HAS1: variants seen among roughly 807,000 people sequenced by gnomAD.
The protein encoded by HAS1 is hyaluronan synthase 1.
A neutral mutation model predicts 35.0 loss-of-function variants in HAS1; 27 were observed. That is an observed-to-expected ratio of 0.77 (90% CI 0.57 to 1.06). The LOEUF (loss-of-function observed/expected upper bound fraction) is 1.06, where lower values mean the gene tolerates loss of function less well. Ranked by LOEUF, HAS1 falls within the 50% of genes least tolerant of loss-of-function variation. The pLI is 0.00. For missense variants in HAS1, 940 were observed against 814.8 expected, an observed-to-expected ratio of 1.15 and a Z score of -1.87; for synonymous variants, 409 against 371.2, an observed-to-expected ratio of 1.10 and a Z score of -1.17.
Position 51,713,176 on chromosome 19 carries a change from G to A in HAS1, c.*251C>T, listed in dbSNP as rs1038481396. On this transcript the variant is annotated 3_prime_UTR_variant, in exon 5 of 5. Coordinates refer to ENST00000540069, the MANE Select transcript of HAS1 (RefSeq NM_001297436.2). This position sits in a 1 kb window ranked among gnomAD's most constrained non-coding sequence, Gnocchi z 4.5. The stretch of plus-strand genomic sequence containing the variant: ...GTAGAAATGGAGATTAAATAAGAAC[G>A]AGGAGAAAGCAGGACCCTTTCCCTC... 4 of 393,768 alleles carry A rather than the reference G, an allele frequency of 1.0e-5. No homozygotes were observed. Among genetic ancestry groups the A allele is most frequent in the Non-Finnish European group, 1.7e-5 (4 of 229,108 alleles). The allele number at this position is 393,768 out of a possible 1,614,324, so 24.4% of individuals were successfully genotyped here.
chr19:51,713,168 A>C lies in HAS1; in HGVS notation c.*259T>G. The C allele has an allele frequency of 2.5e-6, 1 of 408,020 alleles. No homozygotes were observed. Among genetic ancestry groups the C allele is most frequent in the Non-Finnish European group, 4.3e-6 (1 of 235,136 alleles). The allele number at this position is 408,020 out of a possible 1,614,324, so 25.3% of individuals were successfully genotyped here. A position where few individuals can be genotyped will look rare whatever the true frequency, so the allele number is the denominator to read the frequency against. On this transcript the variant is annotated 3_prime_UTR_variant, in exon 5 of 5. Coordinates refer to ENST00000540069, the MANE Select transcript of HAS1 (RefSeq NM_001297436.2). This position sits in a 1 kb window ranked among gnomAD's most constrained non-coding sequence, Gnocchi z 4.5. ...ATCACACAGTAGAAATGGAGATTAA[A>C]TAAGAACGAGGAGAAAGCAGGACCC... is the stretch of plus-strand genomic sequence containing the variant.
intron 3 of HAS1, among the ~76,000 whole-genome samples, 195 bp from the exon 4 acceptor site, chr19:51,716,583 T>C (rs2083588210): frequency 1.3e-5 from 2 of 152,044 alleles, no homozygotes; most frequent in Non-Finnish European, 2.9e-5. Context: ...CCAACTTGCC[T>C]GTCATTGAAC....
At position 51,713,285 on chromosome 19, in the gene HAS1, G is replaced by A. The variant is rs1434452301; in HGVS notation, c.*142C>T. ...CAGTCCCAATATAGTCCAGACTGAAGAATCTTGGGCTGACCCCCTCGTTTT... is the reference window on the plus strand; with the variant it reads ...CAGTCCCAATATAGTCCAGACTGAAAAATCTTGGGCTGACCCCCTCGTTTT... On this transcript the variant is annotated 3_prime_UTR_variant, in exon 5 of 5. Transcript: ENST00000540069. This position sits in a 1 kb window ranked among gnomAD's most constrained non-coding sequence, Gnocchi z 4.5. 7 of 756,564 alleles carry A rather than the reference G, an allele frequency of 9.3e-6. No individual in the cohort carries two copies. Among genetic ancestry groups the A allele is most frequent in the Non-Finnish European group, 1.4e-5 (7 of 504,668 alleles). The allele number at this position is 756,564 out of a possible 1,614,324, so 46.9% of individuals were successfully genotyped here. A position where few individuals can be genotyped will look rare whatever the true frequency, so the allele number is the denominator to read the frequency against.
chr19:51,718,551 T>C (rs1203315963), intron 2 of HAS1, among the ~76,000 whole-genome samples: 2 of 152,202 alleles, frequency 1.3e-5, no homozygotes, highest in Non-Finnish European at 2.9e-5. Flanking sequence ...TATTTATTTA[T>C]TTGAGACGGA....
chr19:51,713,659 G>T lies in HAS1; in HGVS notation c.1502C>A (p.Pro501His). The stretch of plus-strand genomic sequence containing the variant: ...CGCCCAGAGCGCCAGGGGCAGCAGA[G>T]GGACGTAGTTAGCGGCCAGCTTCCG... ...GRRKLAANYV[P>H]LLPLALWALL... is the part of the protein sequence containing the mutation. The change falls in exon 5 of 5, where the codon CCT becomes CAT. Residue 501 changes from proline (P) to histidine (H), a missense_variant. By Grantham distance (77) the Pro-to-His change is moderately conservative. Coordinates refer to ENST00000540069, the MANE Select transcript of HAS1 (RefSeq NM_001297436.2). This position sits in a 1 kb window ranked among gnomAD's most constrained non-coding sequence, Gnocchi z 4.5. The T allele has an allele frequency of 6.3e-7, 1 of 1,579,604 alleles. No homozygotes were observed. The highest frequency in any genetic ancestry group is 1.3e-5 in the African/African-American group (1 of 74,154).
intron 2 of HAS1, among the ~76,000 whole-genome samples, chr19:51,718,779 C>T (rs2083603217): frequency 6.6e-6 from 1 of 152,146 alleles, no homozygotes; most frequent in African/African-American, 2.4e-5. Context: ...TCAGGTGATC[C>T]GCCCACCTCA....
Position 51,719,833 on chromosome 19 carries a change from G to A in HAS1, c.72C>T (p.Thr24=), listed in dbSNP as rs774759267. 8.4e-6 allele frequency: 13 copies of A among 1,553,048 alleles called. No homozygotes were observed. In the South Asian group the frequency reaches 1.1e-4, roughly 13 times the overall value. The part of the protein sequence containing the change: ...RCSGLARRVL[T]IAFALLILGL... ...CCAGGATGAGCAGGGCGAAGGCGAT[G>A]GTCAGCACCCTCCGGGCCAGGCCGG... The change falls in exon 2 of 5, where the codon ACC becomes ACT. Residue 24 remains threonine (T), a synonymous_variant. Transcript: ENST00000540069.
intron 1 of HAS1, among the ~76,000 whole-genome samples, chr19:51,720,289 A>C (rs2083622688): frequency 6.6e-6 from 1 of 150,958 alleles, no homozygotes; most frequent in Admixed American, 6.6e-5. Flanking sequence ...TAATTTTTAA[A>C]TTTTTGGTAG....
At position 51,714,052 on chromosome 19, in the gene HAS1, C is replaced by G. The variant is rs372997311; in HGVS notation, c.1109G>C (p.Arg370Pro). The G allele has an allele frequency of 6.2e-6, 10 of 1,613,784 alleles. No homozygotes were observed. In the African/African-American group the frequency reaches 9.3e-5, roughly 15 times the overall value. Residue 370 changes from arginine (R) to proline (P), a missense_variant, in exon 5 of 5, where the codon CGG (arginine) becomes CCG (proline). Physicochemically the swap from Arg to Pro is moderately radical, Grantham distance 103 (BLOSUM62 -2). Transcript: ENST00000540069. The stretch of plus-strand genomic sequence containing the variant: ...CCAGCGTGTCTGCTGGCTCAGCCAC[C>G]GCAGGAAGGACGAGGGCGTCTCTGA... ...CYSETPSSFL[R>P]WLSQQTRWSK...
chr19:51,719,592 C>T lies in HAS1; in HGVS notation c.313G>A (p.Glu105Lys). Reference sequence around the variant, plus strand: ...CACTGGCGCAGGTACGCGGGGTCCTCCTGGTAGGCGGAGATGGTCAGCGCC... The same window carrying T: ...CACTGGCGCAGGTACGCGGGGTCCTTCTGGTAGGCGGAGATGGTCAGCGCC... ...SVALTISAYQ[E>K]DPAYLRQCLA... Residue 105 changes from glutamate (E) to lysine (K), a missense_variant, in exon 2 of 5, where the codon GAG (glutamate) becomes AAG (lysine). Transcript: ENST00000540069. 4.5e-6 allele frequency: 7 copies of T among 1,542,688 alleles called. No homozygotes were observed. Among genetic ancestry groups the T allele is most frequent in the Non-Finnish European group, 5.2e-6 (6 of 1,143,810 alleles).
rs947382945 is a variant in HAS1, at chr19:51,721,973, A to G, written c.9+1952T>C. 1.2e-4 allele frequency among the ~76,000 whole-genome samples: 18 copies of G among 152,316 alleles called. No individual in the cohort carries two copies. In the East Asian group the frequency reaches 3.3e-3, roughly 28 times the overall value. ...CAGATGAGGAAACTGAGACACTGAG[A>G]GGCAAATACTTTTACCCAAGGTCAC... On this transcript the variant is annotated intron_variant, in intron 1 of 4. Coordinates refer to ENST00000540069, the MANE Select transcript of HAS1 (RefSeq NM_001297436.2).
Position 51,719,766 on chromosome 19 carries a change from A to AG in HAS1, c.138dup (p.Ser47LeufsTer107). On this transcript the variant is annotated frameshift_variant, in exon 2 of 5. Coordinates refer to ENST00000540069, the MANE Select transcript of HAS1 (RefSeq NM_001297436.2). LOFTEE classifies it high-confidence loss of function. ...AAGGCCAGGAGGCCGTAGCGATCGGAGGCCAGCGGCACCCCGGCGGCGTAG... is the reference window on the plus strand; with the variant it reads ...AAGGCCAGGAGGCCGTAGCGATCGGAGGGCCAGCGGCACCCCGGCGGCGTAG... 1 of 1,565,030 alleles carries AG rather than the reference A, an allele frequency of 6.4e-7. No homozygotes were observed. The highest frequency in any genetic ancestry group is 8.6e-7 in the Non-Finnish European group (1 of 1,159,256).
chr19:51,713,246 A>G lies in HAS1; in HGVS notation c.*181T>C, dbSNP rs571821888. On this transcript the variant is annotated 3_prime_UTR_variant, in exon 5 of 5. Coordinates refer to ENST00000540069, the MANE Select transcript of HAS1 (RefSeq NM_001297436.2). This position sits in a 1 kb window ranked among gnomAD's most constrained non-coding sequence, Gnocchi z 4.5. ...CCTGACCAATAAATACCCTCCCTGG[A>G]GACCCAGAAGTCCCAGTCCCAATAT... 13 of 520,114 alleles carry G rather than the reference A, an allele frequency of 2.5e-5. No individual in the cohort carries two copies. The South Asian group carries it at 5.4e-4, about 22-fold the overall frequency. 32.2% of individuals were successfully genotyped at this position (520,114 alleles called of 1,614,324 possible).
Position 51,717,318 on chromosome 19 carries a change from T to A in HAS1, c.700-125A>T, listed in dbSNP as rs1182559414. On this transcript the variant is annotated intron_variant, in intron 2 of 4. Coordinates refer to ENST00000540069, the MANE Select transcript of HAS1 (RefSeq NM_001297436.2). ...AACCGATCTGAACATAATTTTGAGA[T>A]TTTTTAAAGTCATTTTCAATGTGTA... 4 of 631,542 alleles carry A rather than the reference T, an allele frequency of 6.3e-6. No individual in the cohort carries two copies. The East Asian group carries it at 8.2e-5, about 13-fold the overall frequency. 39.1% of individuals were successfully genotyped at this position (631,542 alleles called of 1,614,324 possible). A position where few individuals can be genotyped will look rare whatever the true frequency, so the allele number is the denominator to read the frequency against.
At chr19:51,714,386 ATAAATAAAT>A (rs1312180657) in intron 4 of HAS1, among the ~76,000 whole-genome samples, 33 of 142,054 alleles carry the variant, frequency 2.3e-4, no homozygotes, top group Non-Finnish European at 3.7e-4. Flanking sequence ...AAATAAATAA[ATAAATAAAT>A]AAGCACCAAT....
At chr19:51,717,513 A>G (rs1260022398) in intron 2 of HAS1, among the ~76,000 whole-genome samples, 1 of 152,222 alleles carries the variant, frequency 6.6e-6, no homozygotes, top group Admixed American at 6.5e-5. Flanking sequence ...CTAATATGGA[A>G]ATGGTGAATA....
In HAS1 at chr19:51,713,697, G is replaced by A; in HGVS notation, c.1464C>T (p.Gly488=). The part of the protein sequence containing the change: ...ALVTMNQSGW[G]TSGRRKLAAN... Reference sequence around the variant, plus strand: ...CGGCCAGCTTCCGCCGGCCCGAGGTGCCCCAGCCACTCTGGTTCATGGTGA... The same window carrying A: ...CGGCCAGCTTCCGCCGGCCCGAGGTACCCCAGCCACTCTGGTTCATGGTGA... The change falls in exon 5 of 5, where the codon GGC becomes GGT. Residue 488 remains glycine (G), a synonymous_variant. Coordinates refer to ENST00000540069, the MANE Select transcript of HAS1 (RefSeq NM_001297436.2). The surrounding 1 kb of genome is among the most constrained non-coding windows in gnomAD (Gnocchi z 4.5). The A allele has an allele frequency of 6.3e-7, 1 of 1,591,254 alleles. No homozygotes were observed. Among genetic ancestry groups the A allele is most frequent in the Non-Finnish European group, 8.5e-7 (1 of 1,171,144 alleles).
intron 1 of HAS1, among the ~76,000 whole-genome samples, chr19:51,720,206 GA>G (rs2122270740): frequency 6.7e-6 from 1 of 148,954 alleles, no homozygotes; most frequent in African/African-American, 2.5e-5. Flanking sequence ...TCAGCTTCCC[GA>G]GCTCAGGCTC....
rs2083591695 is a variant in HAS1, at chr19:51,717,062, G to A, written c.831C>T (p.Ser277=). The stretch of plus-strand genomic sequence containing the variant: ...CCCAGTATCGCAGGCTGCTTAGGAA[G>A]CTGACCCAGGAGTCCAGAGGGTTAA... The part of the protein sequence containing the change: ...RILNPLDSWV[S]FLSSLRYWVA... The change falls in exon 3 of 5, where the codon AGC becomes AGT. Residue 277 remains serine (S), a synonymous_variant. Transcript: ENST00000540069. The A allele has an allele frequency of 1.9e-6, 3 of 1,614,086 alleles. No homozygotes were observed. The highest frequency in any genetic ancestry group is 2.5e-6 in the Non-Finnish European group (3 of 1,179,982).
Sources: gnomAD v4.1 joint callset for allele counts (sites outside exome capture counted in the v4.1 genomes callset) on GRCh38, gnomAD v4.1.1 for gene constraint, Gnocchi (gnomAD v3.1) non-coding constraint, MANE v1.5 for transcripts, NCBI Gene and HGNC (gene_info 2026-07-23, HGNC 2026-07-21) for gene names.